PGBD5: variants seen among roughly 807,000 people sequenced by gnomAD.
PGBD5 encodes piggyBac transposable element-derived protein 5.
Under a neutral mutation model 47.9 loss-of-function variants are expected in PGBD5, and 14 were observed. The observed-to-expected ratio is 0.29, with a 90% CI of 0.19 to 0.46. The LOEUF (loss-of-function observed/expected upper bound fraction) is 0.46, where lower values mean the gene tolerates loss of function less well. Among genes scored for constraint, PGBD5 ranks in the 20% least tolerant of loss-of-function variants. The pLI is 1.00. For missense variants in PGBD5, 635 were observed against 716.0 expected (o/e 0.89, Z 1.29); for synonymous variants, 316 against 306.3 (o/e 1.03, Z -0.33).
intron 1 of PGBD5, among the ~76,000 whole-genome samples, chr1:230,365,634 TC>T (rs1667816709): frequency 6.6e-6 from 1 of 152,148 alleles, no homozygotes; most frequent in Admixed American, 6.5e-5. Context: ...GGCTTGACCA[TC>T]TCTGAGGGCA....
rs149282566 is a variant in PGBD5, at chr1:230,331,277, G to A, written c.1273+1567C>T. ...AAATACAAAAAAACATTAGCCGGGC[G>A]CAGCGGTATGCACCTGTAGTCCAAG... On this transcript the variant is annotated intron_variant, in intron 5 of 6. Transcript: ENST00000391860. Among the ~76,000 whole-genome samples, 1,495 of 152,094 alleles carry A rather than the reference G, an allele frequency of 9.8e-3. 11 individuals are homozygous for A. The highest frequency in any genetic ancestry group is 0.02 in the Middle Eastern group (6 of 294).
At chr1:230,358,417 T>C (rs1281565805) in intron 1 of PGBD5, among the ~76,000 whole-genome samples, 2 of 152,184 alleles carry the variant, frequency 1.3e-5, no homozygotes, top group African/African-American at 4.8e-5. Context: ...ACTTGGGGCC[T>C]GAAAAATTCC....
Position 230,382,418 on chromosome 1 carries a change from G to A in PGBD5, c.332-25097C>T, listed in dbSNP as rs140944315. Among the ~76,000 whole-genome samples the A allele has an allele frequency of 1.3e-3, 194 of 152,326 alleles. 1 individual carries two copies. Among genetic ancestry groups the A allele is most frequent in the Middle Eastern group, 0.01 (3 of 294 alleles). Reference sequence around the variant, plus strand: ...AGCTGTTGACTGCCAGGCCTGTAGCGGCCAACTGTGAGCACCTGAACTGCA... The same window carrying A: ...AGCTGTTGACTGCCAGGCCTGTAGCAGCCAACTGTGAGCACCTGAACTGCA... On this transcript the variant is annotated intron_variant, in intron 1 of 6. Transcript: ENST00000391860.
chr1:230,319,890 G>A lies in PGBD5; in HGVS notation c.*3535C>T, dbSNP rs533992373. 8.5e-5 allele frequency: 12 copies of A among 141,990 alleles called. No individual in the cohort carries two copies. The highest frequency in any genetic ancestry group is 2.9e-4 in the African/African-American group (11 of 37,376). 8.8% of individuals were successfully genotyped at this position (141,990 alleles called of 1,614,324 possible). ...TTTTTGTGGCGGGGTGGGGGTTGGAGTCTCGCTCTGTCACCCAGGCTGGAG... is the reference window on the plus strand; with the variant it reads ...TTTTTGTGGCGGGGTGGGGGTTGGAATCTCGCTCTGTCACCCAGGCTGGAG... On this transcript the variant is annotated 3_prime_UTR_variant, in exon 7 of 7. Coordinates refer to ENST00000391860, the MANE Select transcript of PGBD5 (RefSeq NM_001258311.2).
intron 6 of PGBD5, among the ~76,000 whole-genome samples, chr1:230,324,323 G>A (rs1372336849): frequency 6.6e-6 from 1 of 152,246 alleles, no homozygotes; most frequent in African/African-American, 2.4e-5. Context: ...AATGCCAGCT[G>A]CTTTAGAACA....
intron 1 of PGBD5, among the ~76,000 whole-genome samples, chr1:230,423,292 T>A (rs554146625): frequency 6.6e-6 from 1 of 152,280 alleles, no homozygotes; most frequent in South Asian, 2.1e-4. Context: ...ACCTGCTTAC[T>A]TTCCTCCCTA....
chr1:230,379,923 C>T (rs537050720), intron 1 of PGBD5, among the ~76,000 whole-genome samples: 47 of 152,354 alleles, frequency 3.1e-4, no homozygotes, highest in East Asian at 1.5e-3. Flanking sequence ...GCCCAAGTGG[C>T]GGGATTTGAA....
Position 230,426,039 on chromosome 1 carries a change from C to G in PGBD5, c.-111G>C, listed in dbSNP as rs1423442127. ...CCCCCCACCAGCGCAGCCCGCAGCA[C>G]AGCGCCCGCCGCCCCGTGCCCGGCC... On this transcript the variant is annotated 5_prime_UTR_variant, in exon 1 of 7. Coordinates refer to ENST00000391860, the MANE Select transcript of PGBD5 (RefSeq NM_001258311.2). 15 of 444,528 alleles carry G rather than the reference C, an allele frequency of 3.4e-5. No individual in the cohort carries two copies. Among genetic ancestry groups the G allele is most frequent in the African/African-American group, 3.2e-4 (15 of 46,346 alleles). 27.5% of individuals were successfully genotyped at this position (444,528 alleles called of 1,614,324 possible).
rs989690153 is a variant in PGBD5, at chr1:230,320,651, A to C, written c.*2774T>G. The C allele has an allele frequency of 1.3e-5, 2 of 152,160 alleles. No homozygotes were observed. Among genetic ancestry groups the C allele is most frequent in the African/African-American group, 4.8e-5 (2 of 41,396 alleles). The allele number at this position is 152,160 out of a possible 1,614,324, so 9.4% of individuals were successfully genotyped here. On this transcript the variant is annotated 3_prime_UTR_variant, in exon 7 of 7. Transcript: ENST00000391860. ...CTTACGATGCTCTTTCCTCATCCCC[A>C]GGGATGGCCAGCTACTCCAAAGCCA...
chr1:230,423,278 T>C (rs1657699897), intron 1 of PGBD5, among the ~76,000 whole-genome samples: 1 of 152,178 alleles, frequency 6.6e-6, no homozygotes, highest in Admixed American at 6.5e-5. Context: ...GAGATCAAAA[T>C]GCCACCTGCT....
At chr1:230,404,753 A>G (rs903651666) in intron 1 of PGBD5, among the ~76,000 whole-genome samples, 1 of 151,376 alleles carries the variant, frequency 6.6e-6, no homozygotes, top group Non-Finnish European at 1.5e-5. Context: ...ACCAAAATGC[A>G]GAAATCCCGC....
chr1:230,411,851 T>C (rs1432608479), intron 1 of PGBD5, among the ~76,000 whole-genome samples: 2 of 152,130 alleles, frequency 1.3e-5, no homozygotes, highest in Non-Finnish European at 2.9e-5. Flanking sequence ...TGGAAAAGAC[T>C]ACAGAATCAT....
chr1:230,362,244 G>A (rs1472684182), intron 1 of PGBD5: 2 of 1,360,636 alleles, frequency 1.5e-6, no homozygotes, highest in Admixed American at 3.9e-5. Flanking sequence ...ACCTGGCTGG[G>A]ATTTAGCTTC....
chr1:230,385,353 A>G (rs1022147790), intron 1 of PGBD5, among the ~76,000 whole-genome samples: 2 of 152,356 alleles, frequency 1.3e-5, no homozygotes, highest in African/African-American at 4.8e-5. Context: ...TATTTTAAAG[A>G]GCCAGACCCA....
intron 3 of PGBD5, among the ~76,000 whole-genome samples, chr1:230,338,663 G>T (rs1466698284): frequency 6.6e-6 from 1 of 152,188 alleles, no homozygotes. Flanking sequence ...AGCCAGGTGT[G>T]GTGGCAGATG....
Position 230,426,256 on chromosome 1 carries a change from C to T in PGBD5, c.-328G>A, listed in dbSNP as rs529701921. ...CCGCCACCGCCGCCACCACCGCCAC[C>T]ACCGCCGCCGCTGCGTCTCCTCGGC... is the stretch of plus-strand genomic sequence containing the variant. On this transcript the variant is annotated 5_prime_UTR_variant, in exon 1 of 7. Transcript: ENST00000391860. 1,133 of 152,326 alleles carry T rather than the reference C, an allele frequency of 7.4e-3. 18 individuals carry two copies. The highest frequency in any genetic ancestry group is 0.026 in the African/African-American group (1,075 of 41,104). 9.4% of individuals were successfully genotyped at this position (152,326 alleles called of 1,614,324 possible).
At chr1:230,361,275 G>C (rs149547872) in intron 1 of PGBD5, among the ~76,000 whole-genome samples, 110 of 152,168 alleles carry the variant, frequency 7.2e-4, no homozygotes, top group Middle Eastern at 3.4e-3. Context: ...ACCTATGTGG[G>C]TTTAAAAAAA....
chr1:230,375,400 T>TG (rs940865085), intron 1 of PGBD5, among the ~76,000 whole-genome samples: 11 of 152,008 alleles, frequency 7.2e-5, no homozygotes, highest in Admixed American at 2.0e-4. Flanking sequence ...TGGAGGGCGG[T>TG]GGGGGGACAG....
In PGBD5 at chr1:230,319,861, T is replaced by C. The variant is rs950833033; in HGVS notation, c.*3564A>G. 2 of 149,058 alleles carry C rather than the reference T, an allele frequency of 1.3e-5. No homozygotes were observed. Among genetic ancestry groups the C allele is most frequent in the Non-Finnish European group, 3.0e-5 (2 of 67,104 alleles). The allele number at this position is 149,058 out of a possible 1,614,324, so 9.2% of individuals were successfully genotyped here. A position where few individuals can be genotyped will look rare whatever the true frequency, so the allele number is the denominator to read the frequency against. ...TCAAACTCGAGGCTTTTTTTTTTTTTTTTTTTTTGTGGCGGGGTGGGGGTT... is the reference window on the plus strand; with the variant it reads ...TCAAACTCGAGGCTTTTTTTTTTTTCTTTTTTTTGTGGCGGGGTGGGGGTT... On this transcript the variant is annotated 3_prime_UTR_variant, in exon 7 of 7. Transcript: ENST00000391860.
Sources: gnomAD v4.1 joint callset for allele counts (sites outside exome capture counted in the v4.1 genomes callset) on GRCh38, gnomAD v4.1.1 for gene constraint, MANE v1.5 for transcripts, NCBI Gene and HGNC (gene_info 2026-07-23, HGNC 2026-07-21) for gene names.